Variants in SHC4 observed in about 807,000 individuals in gnomAD.
The protein encoded by SHC4 is SHC adaptor protein 4.
SHC4 carries 41 observed loss-of-function variants against 69.4 expected under a neutral mutation model. The observed-to-expected ratio is 0.59, with a 90% CI of 0.46 to 0.77. SHC4 has a LOEUF of 0.77. SHC4 is among the 30% of genes least tolerant of loss of function. The probability of loss-of-function intolerance (pLI) is 0.00; values close to 1 mark genes in which losing one functional copy is unlikely to be tolerated. For synonymous variants in SHC4, 318 were observed against 299.3 expected, an observed-to-expected ratio of 1.06 and a Z score of -0.64; for missense variants, 777 against 783.8, an observed-to-expected ratio of 0.99 and a Z score of 0.10.
intron 8 of SHC4, among the ~76,000 whole-genome samples, chr15:48,854,898 T>C (rs1213304002): frequency 6.6e-6 from 1 of 152,166 alleles, no homozygotes; most frequent in African/African-American, 2.4e-5. Context: ...ATCATTTGTA[T>C]CTCAAACCTC....
intron 2 of SHC4, among the ~76,000 whole-genome samples, chr15:48,916,991 T>C (rs1373917204): frequency 6.6e-6 from 1 of 152,160 alleles, no homozygotes; most frequent in African/African-American, 2.4e-5. Context: ...AATGTTCCCT[T>C]TGCAATTTCC....
intron 8 of SHC4, 131 bp from the exon 9 acceptor site, chr15:48,851,379 T>C (rs1899211966): frequency 1.2e-6 from 1 of 836,178 alleles, no homozygotes; most frequent in African/African-American, 1.7e-5. Flanking sequence ...GTTTGACAGG[T>C]AAGAAAAGAA....
At chr15:48,852,858 C>A (rs193126820) in intron 8 of SHC4, among the ~76,000 whole-genome samples, 2 of 150,930 alleles carry the variant, frequency 1.3e-5, no homozygotes, top group Non-Finnish European at 2.9e-5. Context: ...GCCGAGATCA[C>A]GCCACTGCAC....
chr15:48,909,644 G>T (rs1900471709), intron 2 of SHC4, among the ~76,000 whole-genome samples: 1 of 152,094 alleles, frequency 6.6e-6, no homozygotes, highest in South Asian at 2.1e-4. Flanking sequence ...GTTCTCAGAG[G>T]GAATGTTTTC....
At chr15:48,836,558 GT>G (rs556026477) in intron 10 of SHC4, among the ~76,000 whole-genome samples, 4 of 149,278 alleles carry the variant, frequency 2.7e-5, no homozygotes, top group African/African-American at 4.9e-5. Flanking sequence ...CTTTTTTTTT[GT>G]TTTTTTTTAA....
intron 2 of SHC4, among the ~76,000 whole-genome samples, chr15:48,902,382 T>G (rs1900333516): frequency 6.6e-6 from 1 of 152,166 alleles, no homozygotes; most frequent in African/African-American, 2.4e-5. Flanking sequence ...AGAATACATG[T>G]CTGGCTTTCT....
At chr15:48,865,680 T>A (rs1330464485) in intron 6 of SHC4, among the ~76,000 whole-genome samples, 2 of 152,206 alleles carry the variant, frequency 1.3e-5, no homozygotes, top group Non-Finnish European at 2.9e-5. Context: ...ATACACAGGC[T>A]GATGGCTAAA....
chr15:48,844,307 G>A (rs1208474379), intron 9 of SHC4, among the ~76,000 whole-genome samples: 1 of 152,036 alleles, frequency 6.6e-6, no homozygotes, highest in Admixed American at 6.6e-5. Context: ...TGCAAATCCG[G>A]TCATATTTCT....
At chr15:48,915,047 A>G (rs1184806798) in intron 2 of SHC4, among the ~76,000 whole-genome samples, 1 of 152,204 alleles carries the variant, frequency 6.6e-6, no homozygotes, top group East Asian at 1.9e-4. Context: ...TCCTCTGCCC[A>G]TTGTTTCAAT....
chr15:48,946,726 T>A, intron 1 of SHC4: 1 of 285,536 alleles, frequency 3.5e-6, no homozygotes. Flanking sequence ...AACATTCCTA[T>A]CACTGGACTA....
intron 10 of SHC4, 125 bp from the exon 11 acceptor site, chr15:48,835,147 T>C: frequency 3.3e-6 from 4 of 1,230,498 alleles, no homozygotes; most frequent in Admixed American, 2.9e-5. Context: ...TAAATAATAC[T>C]GCTTGGGGAA....
At chr15:48,876,152 T>C (rs1899794386) in intron 4 of SHC4, among the ~76,000 whole-genome samples, 1 of 152,220 alleles carries the variant, frequency 6.6e-6, no homozygotes, top group Non-Finnish European at 1.5e-5. Context: ...TTGTGTGACA[T>C]ATTCAACCTG....
In SHC4 at chr15:48,927,494, C is replaced by G. The variant is rs564488024; in HGVS notation, c.586-2545G>C. Among the ~76,000 whole-genome samples, 23 of 152,314 alleles carry G rather than the reference C, an allele frequency of 1.5e-4. No homozygotes were observed. The East Asian group carries it at 4.1e-3, about 27-fold the overall frequency. On this transcript the variant is annotated intron_variant, in intron 1 of 11. Coordinates refer to ENST00000332408, the MANE Select transcript of SHC4 (RefSeq NM_203349.4). ...TGACCAAGCACCTACATTTTTCACA[C>G]TCCGCTGTGGTGGTTCTTCAAAACT...
At chr15:48,834,707 C>T (rs1226555285) in intron 11 of SHC4, 62 bp downstream of exon 11, 19 of 1,582,816 alleles carry the variant, frequency 1.2e-5, no homozygotes, top group Non-Finnish European at 1.6e-5. Context: ...TTTTGGAAAT[C>T]ATTCAGGGTA....
Position 48,851,245 on chromosome 15 carries a change from C to T in SHC4, c.1246G>A (p.Gly416Arg), listed in dbSNP as rs753392938. The T allele has an allele frequency of 6.2e-7, 1 of 1,614,020 alleles. No individual in the cohort carries two copies. The highest frequency in any genetic ancestry group is 1.1e-5 in the South Asian group (1 of 91,062). The change falls in exon 9 of 12, where the codon GGA becomes AGA. Residue 416 changes from glycine to arginine, a missense_variant. Transcript: ENST00000332408. ...TATACACTGCTGCACTTGGAGTTTC[C>T]AGGCTGCATGAACAACAAATTATGA... ...IQCEKLCYLPGNSKCSSVYEN... is the reference protein window; with the variant it reads ...IQCEKLCYLPRNSKCSSVYEN...
At chr15:48,947,549 C>T (rs1901297648) in intron 1 of SHC4, among the ~76,000 whole-genome samples, 1 of 152,118 alleles carries the variant, frequency 6.6e-6, no homozygotes, top group South Asian at 2.1e-4. Flanking sequence ...TTTTCTTGTC[C>T]TGACTCCTCT....
intron 6 of SHC4, 111 bp downstream of exon 6, chr15:48,867,707 T>G: frequency 1.1e-6 from 1 of 890,930 alleles, no homozygotes. Flanking sequence ...TAGAATCCAG[T>G]ATAGCACCCT....
At chr15:48,951,696 C>A (rs1444414790) in intron 1 of SHC4, among the ~76,000 whole-genome samples, 1 of 152,134 alleles carries the variant, frequency 6.6e-6, no homozygotes, top group Non-Finnish European at 1.5e-5. Flanking sequence ...TCCATCTCAG[C>A]CTATGGAAAC....
At chr15:48,843,345 CTGTT>C (rs1899027264) in intron 10 of SHC4, 60 bp downstream of exon 10, 1 of 1,457,200 alleles carries the variant, frequency 6.9e-7, no homozygotes, top group Non-Finnish European at 9.3e-7. Flanking sequence ...GAATAAATTT[CTGTT>C]TGTGGTAATT....
Sources: gnomAD v4.1 joint callset for allele counts (sites outside exome capture counted in the v4.1 genomes callset) on GRCh38, gnomAD v4.1.1 for gene constraint, MANE v1.5 for transcripts, NCBI Gene and HGNC (gene_info 2026-07-23, HGNC 2026-07-21) for gene names.